The following LMO7 variants were observed in gnomAD, a reference collection of about 807,000 sequenced individuals.
LMO7 encodes the protein LIM domain 7, also known as LIM domain only protein 7.
LMO7 carries 120 observed loss-of-function variants against 206.5 expected under a neutral mutation model. That is an observed-to-expected ratio of 0.58 (90% CI 0.50 to 0.68). The LOEUF (loss-of-function observed/expected upper bound fraction) is 0.68, where lower values mean the gene tolerates loss of function less well. Among genes scored for constraint, LMO7 ranks in the 30% least tolerant of loss-of-function variants. The pLI is 0.00. For missense variants in LMO7, 1,959 were observed against 1,957.9 expected, an observed-to-expected ratio of 1.00 and a Z score of -0.01; for synonymous variants, 706 against 681.5, an observed-to-expected ratio of 1.04 and a Z score of -0.56.
At chr13:75,784,852 C>T (rs565803774) in intron 4 of LMO7, among the ~76,000 whole-genome samples, 1 of 152,030 alleles carries the variant, frequency 6.6e-6, no homozygotes, top group East Asian at 1.9e-4. Flanking sequence ...TGTTTATTTT[C>T]AGTTGATAGA....
At chr13:75,721,669 T>C (rs1393759708) in intron 2 of LMO7, among the ~76,000 whole-genome samples, 2 of 152,210 alleles carry the variant, frequency 1.3e-5, no homozygotes, top group Non-Finnish European at 2.9e-5. Context: ...TGAGTAGTAT[T>C]CCATGGTATA....
chr13:75,732,138 G>C lies in LMO7; in HGVS notation c.210+5040G>C, dbSNP rs549500692. Among the ~76,000 whole-genome samples the C allele has an allele frequency of 2.0e-5, 3 of 151,910 alleles. No individual in the cohort carries two copies. The South Asian group carries it at 6.3e-4, about 32-fold the overall frequency. ...TCTTCTCGAGGAGTATCTCTGTGGCGTCCTCTGTATTTCCTGAATCTGAAT... is the reference window on the plus strand; with the variant it reads ...TCTTCTCGAGGAGTATCTCTGTGGCCTCCTCTGTATTTCCTGAATCTGAAT... On this transcript the variant is annotated intron_variant, in intron 3 of 30. Coordinates refer to ENST00000377534, the MANE Select transcript of LMO7 (RefSeq NM_001306080.2).
At chr13:75,835,514 CAT>C (rs1429992916) in intron 18 of LMO7, among the ~76,000 whole-genome samples, 175 bp downstream of exon 18, 1 of 152,090 alleles carries the variant, frequency 6.6e-6, no homozygotes, top group Non-Finnish European at 1.5e-5. Context: ...TTTTGAAAAT[CAT>C]AGGCATTCCT....
chr13:75,727,124 T>A, intron 3 of LMO7, 26 bp downstream of exon 3: 1 of 1,387,890 alleles, frequency 7.2e-7, no homozygotes, highest in Non-Finnish European at 1.0e-6. Flanking sequence ...TCTTCACAAC[T>A]AAATTTATTT....
chr13:75,673,814 A>C (rs889301383), intron 1 of LMO7, among the ~76,000 whole-genome samples: 1 of 152,256 alleles, frequency 6.6e-6, no homozygotes, highest in Non-Finnish European at 1.5e-5. Context: ...AAAAGCATAC[A>C]GAAAAATAAT....
chr13:75,669,747 A>C (rs1424207127), intron 1 of LMO7, among the ~76,000 whole-genome samples: 2 of 152,164 alleles, frequency 1.3e-5, no homozygotes, highest in African/African-American at 4.8e-5. Flanking sequence ...TTTTGATTGC[A>C]AGAGGTTATG....
rs1184114554 is a variant in LMO7 at position 75,724,901 on chromosome 13, GT to G, written c.141-2122del. Among the ~76,000 whole-genome samples the G allele has an allele frequency of 2.6e-5, 4 of 151,966 alleles. No homozygotes were observed. The East Asian group carries it at 7.7e-4, about 29-fold the overall frequency. ...TACTTTGTGTGTTATTCAGATTATT[GT>G]TTTTTCCTCAGCTCATTTCCGTGTT... is the stretch of plus-strand genomic sequence containing the variant. On this transcript the variant is annotated intron_variant, in intron 2 of 30. Coordinates refer to ENST00000377534, the MANE Select transcript of LMO7 (RefSeq NM_001306080.2).
In LMO7 at chr13:75,778,025, T is replaced by G. The variant is rs1218278806; in HGVS notation, c.317+16987T>G. Among the ~76,000 whole-genome samples, 8 of 152,306 alleles carry G rather than the reference T, an allele frequency of 5.3e-5. No homozygotes were observed. In the East Asian group the frequency reaches 1.2e-3, roughly 22 times the overall value. Reference sequence around the variant, plus strand: ...ATCTCTAGCCTGGTTTCTCACTGATTACCCTTCTTCAGAGACTACGACAAG... The same window carrying G: ...ATCTCTAGCCTGGTTTCTCACTGATGACCCTTCTTCAGAGACTACGACAAG... On this transcript the variant is annotated intron_variant, in intron 4 of 30. Transcript: ENST00000377534.
intron 4 of LMO7, among the ~76,000 whole-genome samples, chr13:75,783,079 G>T (rs1254310726): frequency 6.6e-6 from 1 of 152,118 alleles, no homozygotes; most frequent in East Asian, 1.9e-4. Flanking sequence ...ATCTTTTTCT[G>T]TAGCTAAGAA....
rs2139246861 is a variant in LMO7, at chr13:75,841,897, TG to T, written c.3946del (p.Glu1316ArgfsTer16). The T allele has an allele frequency of 6.2e-7, 1 of 1,613,840 alleles. No individual in the cohort carries two copies. The highest frequency in any genetic ancestry group is 2.2e-5 in the East Asian group (1 of 44,892). Reference protein sequence around the residue: ...QEQKRLQAEAEEQKRPAEEQK... With the variant: ...QEQKRLQAEAXEQKRPAEEQK... Reference sequence around the variant, plus strand: ...AGCAAAAGCGGCTTCAGGCTGAGGCTGAGGAGCAGAAGCGTCCTGCGGAGGA... The same window carrying T: ...AGCAAAAGCGGCTTCAGGCTGAGGCTAGGAGCAGAAGCGTCCTGCGGAGGA... On this transcript the variant is annotated frameshift_variant, in exon 24 of 31. Transcript: ENST00000377534. LOFTEE classifies it high-confidence loss of function.
chr13:75,736,680 T>TG (rs1481574853), intron 3 of LMO7, among the ~76,000 whole-genome samples: 1 of 152,196 alleles, frequency 6.6e-6, no homozygotes, highest in African/African-American at 2.4e-5. Flanking sequence ...GTAATAAATG[T>TG]GCCACAGAGC....
chr13:75,724,485 G>C (rs1332929589), intron 2 of LMO7, among the ~76,000 whole-genome samples: 1 of 152,130 alleles, frequency 6.6e-6, no homozygotes, highest in Non-Finnish European at 1.5e-5. Flanking sequence ...AATAGAATCA[G>C]TTACCTGAAG....
intron 27 of LMO7, among the ~76,000 whole-genome samples, chr13:75,849,961 C>T (rs1435030005): frequency 6.6e-6 from 1 of 151,946 alleles, no homozygotes; most frequent in Non-Finnish European, 1.5e-5. Context: ...AGAAAATTAT[C>T]CCTACCAACT....
At chr13:75,729,564 C>A (rs1203289212) in intron 3 of LMO7, among the ~76,000 whole-genome samples, 1 of 151,674 alleles carries the variant, frequency 6.6e-6, no homozygotes, top group East Asian at 1.9e-4. Flanking sequence ...ACAATCATGT[C>A]ATCTGCAAAC....
At chr13:75,654,870 T>C (rs375342470) in intron 1 of LMO7, among the ~76,000 whole-genome samples, 1,453 of 114,998 alleles carry the variant, frequency 0.013, 24 homozygotes, top group African/African-American at 0.04. Context: ...TTCTTTTCTC[T>C]TCTCTCTTTT....
intron 1 of LMO7, among the ~76,000 whole-genome samples, chr13:75,707,347 A>C (rs958483197): frequency 5.9e-5 from 9 of 152,054 alleles, no homozygotes; most frequent in Admixed American, 5.9e-4. Flanking sequence ...CCAATTTTTC[A>C]TAAATTGCTT....
chr13:75,713,241 TCTG>T lies in LMO7; in HGVS notation c.133_135del (p.Leu45del). 2 of 1,609,276 alleles carry T rather than the reference TCTG, an allele frequency of 1.2e-6. No homozygotes were observed. Among genetic ancestry groups the T allele is most frequent in the Non-Finnish European group, 1.7e-6 (2 of 1,176,424 alleles). ...TTCGAGCCTCTCTAGAAAATGGTGT[TCTG>T]CTGTGTGAGTAAGTATTTAAAGTAT... is the stretch of plus-strand genomic sequence containing the variant. On this transcript the variant is annotated inframe_deletion, in exon 2 of 31. Coordinates refer to ENST00000377534, the MANE Select transcript of LMO7 (RefSeq NM_001306080.2).
chr13:75,788,149 C>A (rs575865498), intron 4 of LMO7, among the ~76,000 whole-genome samples: 1 of 152,262 alleles, frequency 6.6e-6, no homozygotes, highest in Admixed American at 6.5e-5. Flanking sequence ...TCATTATTCT[C>A]TTAAAATTTC....
intron 1 of LMO7, chr13:75,688,513 C>G (rs984200381): frequency 6.6e-6 from 1 of 152,300 alleles, no homozygotes; most frequent in Non-Finnish European, 1.5e-5. Flanking sequence ...TTCCTAAGCC[C>G]TTGGAGCCTA....
Sources: gnomAD v4.1 joint callset for allele counts (sites outside exome capture counted in the v4.1 genomes callset) on GRCh38, gnomAD v4.1.1 for gene constraint, MANE v1.5 for transcripts, NCBI Gene and HGNC (gene_info 2026-07-23, HGNC 2026-07-21) for gene names.